Variants in SCHIP1 observed in about 807,000 individuals in gnomAD.
SCHIP1 encodes the protein schwannomin-interacting protein 1.
In SCHIP1, 8 loss-of-function variants were observed where a neutral mutation model predicts 29.7. The ratio of observed to expected loss-of-function variants is 0.27; its 90% CI spans 0.16 to 0.49. The LOEUF (loss-of-function observed/expected upper bound fraction) is 0.49, where lower values mean the gene tolerates loss of function less well. SCHIP1 is among the 20% of genes least tolerant of loss of function. The pLI is 0.99. For missense variants in SCHIP1, 193 were observed against 294.6 expected (o/e 0.66, Z 2.52); for synonymous variants, 76 against 94.9 (o/e 0.80, Z 1.16).
chr3:159,718,213 G>A, the SCHIP1 span, among the ~76,000 whole-genome samples: 1 of 152,104 alleles, frequency 6.6e-6, no homozygotes, highest in African/African-American at 2.4e-5. Context: ...AATAAATTAG[G>A]TATTGATGGG....
At chr3:159,766,507 C>T in the SCHIP1 span, among the ~76,000 whole-genome samples, 3 of 152,218 alleles carry the variant, frequency 2.0e-5, no homozygotes, top group East Asian at 5.8e-4. Context: ...TATCCTTTTC[C>T]CACTTTGTGC....
At chr3:159,875,960 A>T (rs1158521244) in intron 2 of SCHIP1, among the ~76,000 whole-genome samples, 12 of 152,222 alleles carry the variant, frequency 7.9e-5, no homozygotes, top group Admixed American at 7.9e-4. Flanking sequence ...ACCATGAAAG[A>T]GATTTCTGAT....
At chr3:159,876,839 C>CA (rs1204151941) in intron 2 of SCHIP1, among the ~76,000 whole-genome samples, 2 of 152,190 alleles carry the variant, frequency 1.3e-5, no homozygotes, top group African/African-American at 4.8e-5. Context: ...CATGTCTCAG[C>CA]TTTTGGGCCA....
At chr3:159,745,025 G>T in the SCHIP1 span, among the ~76,000 whole-genome samples, 568 of 152,132 alleles carry the variant, frequency 3.7e-3, 3 homozygotes, top group African/African-American at 0.013. Context: ...CAGTGGGACT[G>T]CTGTGCAATC....
chr3:159,775,084 A>G, the SCHIP1 span, among the ~76,000 whole-genome samples: 1 of 152,242 alleles, frequency 6.6e-6, no homozygotes, highest in South Asian at 2.1e-4. Flanking sequence ...ATGGATTCCA[A>G]GAAGCAGTGC....
At chr3:159,751,067 A>C in the SCHIP1 span, among the ~76,000 whole-genome samples, 1 of 152,260 alleles carries the variant, frequency 6.6e-6, no homozygotes, top group South Asian at 2.1e-4. Flanking sequence ...AATAGATACA[A>C]ACTGGTTCTA....
the SCHIP1 span, among the ~76,000 whole-genome samples, chr3:159,366,779 G>A: frequency 2.0e-5 from 3 of 152,158 alleles, no homozygotes; most frequent in Non-Finnish European, 4.4e-5. Context: ...GAGGAGTCCT[G>A]CCTGTAGATT....
chr3:159,731,323 T>C, the SCHIP1 span, among the ~76,000 whole-genome samples: 9 of 152,352 alleles, frequency 5.9e-5, no homozygotes, highest in African/African-American at 2.2e-4. Context: ...GCTTTGCATT[T>C]GAATATTATC....
At chr3:159,601,673 C>A in the SCHIP1 span, among the ~76,000 whole-genome samples, 2 of 152,250 alleles carry the variant, frequency 1.3e-5, no homozygotes, top group Non-Finnish European at 2.9e-5. Flanking sequence ...CCCACAGCCC[C>A]AGACAGGGAG....
the SCHIP1 span, among the ~76,000 whole-genome samples, chr3:159,373,040 ATTTGTT>A: frequency 0.027 from 4,110 of 152,068 alleles, 72 homozygotes; most frequent in East Asian, 0.11. Context: ...TTAAATTTAA[ATTTGTT>A]TTTAATTTTT....
chr3:159,277,295 CAA>C, the SCHIP1 span, among the ~76,000 whole-genome samples: 1 of 152,094 alleles, frequency 6.6e-6, no homozygotes, highest in African/African-American at 2.4e-5. Flanking sequence ...TAAAAGCAGT[CAA>C]AGACAGACTC....
At chr3:159,605,246 C>T in the SCHIP1 span, among the ~76,000 whole-genome samples, 54 of 152,294 alleles carry the variant, frequency 3.5e-4, no homozygotes, top group Admixed American at 1.8e-3. Flanking sequence ...ATCTTTTTGA[C>T]AAGAATGTTA....
At chr3:159,421,814 A>G in the SCHIP1 span, among the ~76,000 whole-genome samples, 4 of 152,286 alleles carry the variant, frequency 2.6e-5, no homozygotes, top group Admixed American at 6.5e-5. Context: ...AGTAGTTCCT[A>G]ACCCTCCACC....
At chr3:159,618,167 G>T in the SCHIP1 span, among the ~76,000 whole-genome samples, 1 of 152,298 alleles carries the variant, frequency 6.6e-6, no homozygotes, top group East Asian at 1.9e-4. Context: ...GGCTCAGAGT[G>T]GTTAAGTGAC....
At chr3:159,764,894 C>T in the SCHIP1 span, 3 of 1,568,554 alleles carry the variant, frequency 1.9e-6, no homozygotes, top group East Asian at 4.9e-5. The surrounding 1 kb of genome is among the most constrained non-coding windows in gnomAD (Gnocchi z 6.1). Context: ...GCTGGCCGGC[C>T]GAGCTGTTCC....
chr3:159,418,096 A>G, the SCHIP1 span, among the ~76,000 whole-genome samples: 1 of 152,228 alleles, frequency 6.6e-6, no homozygotes, highest in African/African-American at 2.4e-5. Context: ...AAGCAACATT[A>G]TTGTGACAGT....
chr3:159,476,470 T>G, the SCHIP1 span, among the ~76,000 whole-genome samples: 1 of 152,162 alleles, frequency 6.6e-6, no homozygotes, highest in Non-Finnish European at 1.5e-5. Flanking sequence ...TTGCATTTGG[T>G]TGAAGAAGTT....
At chr3:159,576,926 T>C in the SCHIP1 span, among the ~76,000 whole-genome samples, 3 of 152,170 alleles carry the variant, frequency 2.0e-5, no homozygotes, top group Admixed American at 6.6e-5. Flanking sequence ...CAAATAAACA[T>C]TGGAGAAGGT....
the SCHIP1 span, among the ~76,000 whole-genome samples, chr3:159,666,151 A>G: frequency 6.6e-6 from 1 of 152,198 alleles, no homozygotes; most frequent in Non-Finnish European, 1.5e-5. Context: ...GAGTGGTATG[A>G]GCCCAATTAA....
Sources: allele counts gnomAD v4.1 joint callset (sites outside exome capture counted in the v4.1 genomes callset), GRCh38; gene constraint gnomAD v4.1.1; non-coding constraint Gnocchi (gnomAD v3.1); transcripts MANE v1.5; gene names NCBI Gene and HGNC (gene_info 2026-07-23, HGNC 2026-07-21).